The following SLCO3A1 variants were observed in gnomAD, a reference collection of about 807,000 sequenced individuals.
SLCO3A1 encodes solute carrier organic anion transporter family member 3A1.
A neutral mutation model predicts 63.1 loss-of-function variants in SLCO3A1; 27 were observed. The ratio of observed to expected loss-of-function variants is 0.43; its 90% CI spans 0.32 to 0.59. The LOEUF is 0.59. SLCO3A1 is among the 20% of genes least tolerant of loss of function. The pLI, the probability that SLCO3A1 is intolerant of heterozygous loss-of-function variation, is 0.09. For synonymous variants in SLCO3A1, 473 were observed against 409.9 expected, an observed-to-expected ratio of 1.15 and a Z score of -1.86; for missense variants, 773 against 945.8, an observed-to-expected ratio of 0.82 and a Z score of 2.40.
chr15:91,972,061 A>T (rs1249576470), intron 2 of SLCO3A1, among the ~76,000 whole-genome samples: 2 of 152,054 alleles, frequency 1.3e-5, no homozygotes, highest in Non-Finnish European at 2.9e-5. Flanking sequence ...GGATTTTTGG[A>T]TGAGGGATGC....
chr15:92,158,764 G>A (rs10852168), intron 9 of SLCO3A1, among the ~76,000 whole-genome samples: 9,127 of 152,302 alleles, frequency 0.06, 372 homozygotes, highest in South Asian at 0.087. Context: ...TAACAAAAAA[G>A]ATGCAGTCCG....
At position 91,896,784 on chromosome 15, in the gene SLCO3A1, G is replaced by A. The variant is rs1898015324; in HGVS notation, c.181-19209G>A. Among the ~76,000 whole-genome samples the A allele has an allele frequency of 3.9e-5, 6 of 152,304 alleles. 1 individual carries two copies. The South Asian group carries it at 1.2e-3, about 32-fold the overall frequency. On this transcript the variant is annotated intron_variant, in intron 1 of 9. Coordinates refer to ENST00000318445, the MANE Select transcript of SLCO3A1 (RefSeq NM_013272.4). The stretch of plus-strand genomic sequence containing the variant: ...TGTGAGAACAGACTAATACAGAGGT[G>A]CTTTTTCTGGAGGGACACTCTGATT...
At chr15:92,096,258 AG>A (rs1247996683) in intron 3 of SLCO3A1, among the ~76,000 whole-genome samples, 2 of 152,220 alleles carry the variant, frequency 1.3e-5, no homozygotes, top group Non-Finnish European at 2.9e-5. Flanking sequence ...ACCCAAGAGA[AG>A]GTGAGAGAGA....
intron 2 of SLCO3A1, among the ~76,000 whole-genome samples, chr15:91,966,357 G>T (rs1359363434): frequency 2.0e-5 from 3 of 152,176 alleles, no homozygotes. Flanking sequence ...TGGAGGGACG[G>T]ACAGCTCAGA....
At chr15:91,951,773 T>G (rs1003278838) in intron 2 of SLCO3A1, among the ~76,000 whole-genome samples, 35 of 152,190 alleles carry the variant, frequency 2.3e-4, no homozygotes, top group African/African-American at 8.2e-4. Flanking sequence ...CAGGTTGGTC[T>G]TGAACTCCTG....
chr15:92,031,233 T>G (rs2046644777), intron 2 of SLCO3A1, among the ~76,000 whole-genome samples: 1 of 151,816 alleles, frequency 6.6e-6, no homozygotes, highest in African/African-American at 2.4e-5. Flanking sequence ...ATAAAGGAGT[T>G]GAACAGGAGG....
intron 2 of SLCO3A1, among the ~76,000 whole-genome samples, chr15:92,078,079 T>G (rs1183425544): frequency 6.6e-6 from 1 of 152,246 alleles, no homozygotes; most frequent in Non-Finnish European, 1.5e-5. Flanking sequence ...AAGAATGATT[T>G]TGTTGTTGCC....
chr15:92,057,716 A>G (rs1242222823), intron 2 of SLCO3A1, among the ~76,000 whole-genome samples: 1 of 152,202 alleles, frequency 6.6e-6, no homozygotes, highest in Non-Finnish European at 1.5e-5. Context: ...TGTGCCAGCC[A>G]GCTAAAAGAA....
intron 2 of SLCO3A1, among the ~76,000 whole-genome samples, chr15:91,934,884 G>T (rs536021368): frequency 6.6e-6 from 1 of 152,028 alleles, no homozygotes; most frequent in African/African-American, 2.4e-5. Context: ...CTATAACTTC[G>T]CCTTTTTATG....
At chr15:91,934,920 T>G (rs1240622518) in intron 2 of SLCO3A1, among the ~76,000 whole-genome samples, 1 of 152,196 alleles carries the variant, frequency 6.6e-6, no homozygotes, top group Non-Finnish European at 1.5e-5. Context: ...CTTTGATTGG[T>G]AAAACTCTTT....
At chr15:92,170,955 C>T (rs149019185) in intron 10 of SLCO3A1, 81 of 152,298 alleles carry the variant, frequency 5.3e-4, no homozygotes, top group African/African-American at 1.8e-3. Context: ...ACTGTAAGAA[C>T]GTAGGCCTTG....
chr15:92,113,966 G>A (rs1184213835), intron 4 of SLCO3A1, among the ~76,000 whole-genome samples: 1 of 152,208 alleles, frequency 6.6e-6, no homozygotes, highest in African/African-American at 2.4e-5. Flanking sequence ...AGTAGAGAAG[G>A]GGTCCAAGCA....
intron 2 of SLCO3A1, among the ~76,000 whole-genome samples, chr15:92,052,370 G>A (rs1340416678): frequency 6.6e-6 from 1 of 152,128 alleles, no homozygotes; most frequent in African/African-American, 2.4e-5. Flanking sequence ...CATTCTGTAA[G>A]GGATCATATG....
At chr15:91,880,276 C>A (rs778126808) in intron 1 of SLCO3A1, among the ~76,000 whole-genome samples, 3 of 152,056 alleles carry the variant, frequency 2.0e-5, no homozygotes, top group South Asian at 2.1e-4. Flanking sequence ...ACCCAGTCTC[C>A]CCCAATAGTA....
chr15:91,934,725 T>C (rs1305954861), intron 2 of SLCO3A1, among the ~76,000 whole-genome samples: 1 of 152,256 alleles, frequency 6.6e-6, no homozygotes, highest in East Asian at 1.9e-4. Context: ...CAAGCATTGA[T>C]GAATTTCATT....
intron 2 of SLCO3A1, among the ~76,000 whole-genome samples, chr15:92,034,498 G>C (rs1204946755): frequency 6.6e-6 from 1 of 151,624 alleles, no homozygotes; most frequent in Non-Finnish European, 1.5e-5. Context: ...GGGCGAGATG[G>C]TTTGGGGCAT....
At position 91,927,360 on chromosome 15, in the gene SLCO3A1, C is replaced by G. The variant is rs143475456; in HGVS notation, c.646+10902C>G. ...ATGGCACTTGGATCATTAATAGAAT[C>G]TGAACTCTCAAAGTCAAAATTTTCC... On this transcript the variant is annotated intron_variant, in intron 2 of 9. Transcript: ENST00000318445. Among the ~76,000 whole-genome samples, 50 of 151,960 alleles carry G rather than the reference C, an allele frequency of 3.3e-4. 1 individual carries two copies. In the East Asian group the frequency reaches 8.9e-3, roughly 27 times the overall value.
intron 2 of SLCO3A1, among the ~76,000 whole-genome samples, chr15:92,042,221 C>T (rs565240570): frequency 6.6e-6 from 1 of 152,276 alleles, no homozygotes; most frequent in South Asian, 2.1e-4. Flanking sequence ...TTTACTGCTA[C>T]CATTTAACAT....
At chr15:92,058,069 C>G (rs1354744898) in intron 2 of SLCO3A1, among the ~76,000 whole-genome samples, 2 of 152,114 alleles carry the variant, frequency 1.3e-5, no homozygotes, top group Non-Finnish European at 2.9e-5. Context: ...GGTAAGGGGT[C>G]AGCTGAATTT....
Sources: allele counts gnomAD v4.1 joint callset (sites outside exome capture counted in the v4.1 genomes callset), GRCh38; gene constraint gnomAD v4.1.1; transcripts MANE v1.5; gene names NCBI Gene and HGNC (gene_info 2026-07-23, HGNC 2026-07-21).